The following LIPC variants were observed in gnomAD, a reference collection of about 807,000 sequenced individuals.
The protein encoded by LIPC is hepatic triacylglycerol lipase.
LIPC carries 44 observed loss-of-function variants against 50.7 expected under a neutral mutation model. The observed-to-expected ratio is 0.87, with a 90% CI of 0.68 to 1.11. The LOEUF (loss-of-function observed/expected upper bound fraction) is 1.11. Ranked by LOEUF, LIPC falls within the 50% of genes most tolerant of loss-of-function variation. LIPC has a pLI of 0.00. For synonymous variants in LIPC, 271 were observed against 256.4 expected, an observed-to-expected ratio of 1.06 and a Z score of -0.54; for missense variants, 697 against 648.2, an observed-to-expected ratio of 1.08 and a Z score of -0.82.
chr15:58,556,120 A>G (rs748393832), intron 6 of LIPC, among the ~76,000 whole-genome samples: 22 of 152,232 alleles, frequency 1.4e-4, no homozygotes, highest in Non-Finnish European at 3.1e-4. Flanking sequence ...AAGATGATGT[A>G]TGTAAAACAC....
chr15:58,489,773 C>G (rs777540372), intron 1 of LIPC, among the ~76,000 whole-genome samples: 1 of 152,156 alleles, frequency 6.6e-6, no homozygotes, highest in African/African-American at 2.4e-5. Context: ...TAATCCTGAC[C>G]TTCTGGCCTT....
intron 1 of LIPC, among the ~76,000 whole-genome samples, chr15:58,510,736 GT>G (rs546505315): frequency 9.5e-4 from 144 of 152,244 alleles, no homozygotes; most frequent in African/African-American, 3.3e-3. Flanking sequence ...TTTTTTCCTT[GT>G]TAGTGGTATG....
In LIPC at chr15:58,568,806, A is replaced by G. The variant is rs1433199948; in HGVS notation, c.1479A>G (p.Thr493=). The change falls in exon 9 of 9, where the codon ACA becomes ACG. Residue 493 remains threonine, a synonymous_variant. Coordinates refer to ENST00000299022, the MANE Select transcript of LIPC (RefSeq NM_000236.3). ...TGAAATGTGAAATAAAGTCTAAAAC[A>G]TCAAAGCGAAAGATCAGATGAGATT... ...IFVKCEIKSK[T]SKRKIR is the part of the protein sequence containing the mutation. The G allele has an allele frequency of 1.2e-6, 2 of 1,600,612 alleles. No homozygotes were observed. Among genetic ancestry groups the G allele is most frequent in the Non-Finnish European group, 1.7e-6 (2 of 1,169,198 alleles).
At chr15:58,433,035 C>T (rs1893176936) in intron 1 of LIPC, among the ~76,000 whole-genome samples, 1 of 152,192 alleles carries the variant, frequency 6.6e-6, no homozygotes, top group African/African-American at 2.4e-5. Context: ...GACTATTTTA[C>T]TTCATAGGCC....
rs555935258 is a variant in LIPC, at chr15:58,476,497, C to T, written c.88+44377C>T. Among the ~76,000 whole-genome samples the T allele has an allele frequency of 4.6e-5, 7 of 152,360 alleles. No individual in the cohort carries two copies. In the South Asian group the frequency reaches 1.2e-3, roughly 27 times the overall value. On this transcript the variant is annotated intron_variant, in intron 1 of 8. Coordinates refer to ENST00000299022, the MANE Select transcript of LIPC (RefSeq NM_000236.3). ...AGGTGTGAGTTGGAGTCAGTCCCCT[C>T]CTGCATGCAGCTGGGGAAACTGAAG...
intron 2 of LIPC, among the ~76,000 whole-genome samples, chr15:58,539,729 A>C (rs1301861060): frequency 6.6e-6 from 1 of 152,148 alleles, no homozygotes; most frequent in Non-Finnish European, 1.5e-5. Flanking sequence ...ACGTTCCAGC[A>C]ACATCTAACT....
chr15:58,477,419 G>T (rs1017248549), intron 1 of LIPC, among the ~76,000 whole-genome samples: 21 of 152,182 alleles, frequency 1.4e-4, no homozygotes, highest in African/African-American at 5.1e-4. Flanking sequence ...AGGCTGTTAG[G>T]GACAGAAATG....
chr15:58,523,274 T>G (rs1892707506), intron 1 of LIPC: 1 of 152,450 alleles, frequency 6.6e-6, no homozygotes, highest in Admixed American at 6.5e-5. Context: ...AAGCAGCTGA[T>G]GTGGGGAGTT....
chr15:58,455,020 T>A (rs749402804), intron 1 of LIPC: 1 of 152,254 alleles, frequency 6.6e-6, no homozygotes, highest in African/African-American at 2.4e-5. Flanking sequence ...CCGTCTGTCG[T>A]ACTGTGTGGT....
intron 1 of LIPC, among the ~76,000 whole-genome samples, chr15:58,448,550 G>A (rs1893783632): frequency 6.6e-6 from 1 of 152,256 alleles, no homozygotes; most frequent in Non-Finnish European, 1.5e-5. Flanking sequence ...CTGCTGCGTG[G>A]CTGGCTCAGG....
chr15:58,564,092 T>G, intron 8 of LIPC: 1 of 307,270 alleles, frequency 3.3e-6, no homozygotes, highest in South Asian at 3.6e-5. Flanking sequence ...CAACATCTTT[T>G]TTTTATTGTT....
intron 1 of LIPC, among the ~76,000 whole-genome samples, chr15:58,489,062 G>A (rs528462811): frequency 9.9e-5 from 15 of 152,120 alleles, no homozygotes; most frequent in South Asian, 4.2e-4. Context: ...TCTCTGGGCC[G>A]CCTTCTACTT....
At chr15:58,445,352 T>C (rs1224454579) in intron 1 of LIPC, among the ~76,000 whole-genome samples, 1 of 152,186 alleles carries the variant, frequency 6.6e-6, no homozygotes. Flanking sequence ...ATTTCTCCCA[T>C]ACAGGCTGGC....
chr15:58,466,269 C>A (rs1049409395), intron 1 of LIPC, among the ~76,000 whole-genome samples: 135 of 152,324 alleles, frequency 8.9e-4, no homozygotes, highest in African/African-American at 3.1e-3. Context: ...GAACTCCTAG[C>A]GGGTGACTCA....
intron 6 of LIPC, among the ~76,000 whole-genome samples, chr15:58,555,072 G>C (rs942167566): frequency 4.6e-5 from 7 of 152,278 alleles, no homozygotes; most frequent in Non-Finnish European, 1.0e-4. Context: ...TGTAGAAATA[G>C]GCAATTCTCA....
chr15:58,459,921 T>C (rs1269123613), intron 1 of LIPC, among the ~76,000 whole-genome samples: 5 of 152,202 alleles, frequency 3.3e-5, no homozygotes, highest in African/African-American at 1.2e-4. Context: ...ATCAGAACGG[T>C]AGCCAGTTGG....
At chr15:58,548,186 C>A in intron 5 of LIPC, 144 bp from the exon 6 acceptor site, 1 of 1,018,642 alleles carries the variant, frequency 9.8e-7, no homozygotes, top group Non-Finnish European at 1.6e-6. Flanking sequence ...CTGCTCTTGT[C>A]AAGGGGTCTG....
rs537008364 is a variant in LIPC at position 58,440,838 on chromosome 15, C to A, written c.88+8718C>A. On this transcript the variant is annotated intron_variant, in intron 1 of 8. Coordinates refer to ENST00000299022, the MANE Select transcript of LIPC (RefSeq NM_000236.3). ...AGAGGGAAAAAAAACATGAACCAGC[C>A]TTGCTTGACTCAGAGGCTGGAAAAG... Among the ~76,000 whole-genome samples, 44 of 152,218 alleles carry A rather than the reference C, an allele frequency of 2.9e-4. No homozygotes were observed. In the South Asian group the frequency reaches 7.9e-3, roughly 27 times the overall value.
At position 58,485,065 on chromosome 15, in the gene LIPC, C is replaced by T. The variant is rs528640062; in HGVS notation, c.88+52945C>T. ...CCTCACTACAGGCCAAGGGTCATTC[C>T]GTAGTTGGGTTCCGCAAGAATGATA... On this transcript the variant is annotated intron_variant, in intron 1 of 8. Coordinates refer to ENST00000299022, the MANE Select transcript of LIPC (RefSeq NM_000236.3). Among the ~76,000 whole-genome samples, 47 of 152,254 alleles carry T rather than the reference C, an allele frequency of 3.1e-4. No individual in the cohort carries two copies. In the South Asian group the frequency reaches 8.7e-3, roughly 28 times the overall value.
Sources: allele counts gnomAD v4.1 joint callset (sites outside exome capture counted in the v4.1 genomes callset), GRCh38; gene constraint gnomAD v4.1.1; transcripts MANE v1.5; gene names NCBI Gene and HGNC (gene_info 2026-07-23, HGNC 2026-07-21).